The following RNPS1 variants were observed in gnomAD, a reference collection of about 807,000 sequenced individuals.
RNPS1 encodes RNA-binding protein with serine-rich domain 1.
For synonymous variants in RNPS1, 147 were observed against 150.0 expected (o/e 0.98, Z 0.15); for missense variants, 300 against 427.6 (o/e 0.70, Z 2.63).
intron 1 of RNPS1, chr16:2,267,017 A>AC (rs549819126): frequency 6.9e-4 from 149 of 216,376 alleles, no homozygotes; most frequent in African/African-American, 3.3e-3. Flanking sequence ...TTCCAGCCCC[A>AC]CCCCCCCAAG....
chr16:2,259,146 G>A (rs148538052), intron 6 of RNPS1, among the ~76,000 whole-genome samples: 416 of 149,510 alleles, frequency 2.8e-3, no homozygotes, highest in Admixed American at 6.4e-3. Context: ...AAAAAGGATT[G>A]GGTTTTAACA....
At chr16:2,263,922 C>G (rs1567327729) in intron 3 of RNPS1, 2 of 318,218 alleles carry the variant, frequency 6.3e-6, no homozygotes, top group South Asian at 7.0e-5. Flanking sequence ...TAGAGACGAG[C>G]TCTTGTTTTG....
chr16:2,262,492 G>A (rs2093607174), intron 5 of RNPS1, 61 bp from the exon 6 acceptor site: 2 of 1,579,894 alleles, frequency 1.3e-6, no homozygotes, highest in East Asian at 2.2e-5. Flanking sequence ...CAGACGCAGA[G>A]AGCTCAGCAC....
chr16:2,267,732 C>G (rs1237787090), intron 1 of RNPS1: 2 of 1,280,930 alleles, frequency 1.6e-6, no homozygotes, highest in Non-Finnish European at 2.0e-6. Context: ...GCTTGGGTCT[C>G]CGGCCCGGCG....
At chr16:2,261,914 G>A (rs1208088672) in intron 6 of RNPS1, among the ~76,000 whole-genome samples, 1 of 152,206 alleles carries the variant, frequency 6.6e-6, no homozygotes, top group Non-Finnish European at 1.5e-5. Context: ...TTAAAAGTCA[G>A]TAACTTATGT....
intron 1 of RNPS1, chr16:2,266,129 G>A: frequency 1.0e-6 from 1 of 985,448 alleles, no homozygotes; most frequent in Non-Finnish European, 1.2e-6. Flanking sequence ...GAGCCAGTTG[G>A]TAAGGAGGAC....
chr16:2,261,428 G>A (rs527337917), intron 6 of RNPS1, among the ~76,000 whole-genome samples: 19 of 152,256 alleles, frequency 1.2e-4, no homozygotes, highest in South Asian at 2.1e-4. Flanking sequence ...GCCCCATGAC[G>A]ACAACCCTCT....
intron 1 of RNPS1, 163 bp downstream of exon 1, chr16:2,267,892 C>T: frequency 3.3e-6 from 5 of 1,515,862 alleles, no homozygotes; most frequent in Non-Finnish European, 4.4e-6. Flanking sequence ...CCTCCCACTC[C>T]GCCCGCCCCG....
At chr16:2,255,883 T>C (rs1280859743) in intron 6 of RNPS1, 157 bp from the exon 7 acceptor site, 14 of 753,886 alleles carry the variant, frequency 1.9e-5, no homozygotes, top group Non-Finnish European at 3.1e-5. Context: ...ATCCCAGCAC[T>C]TTGGGAAGCT....
chr16:2,267,349 T>C, intron 1 of RNPS1: 29 of 985,004 alleles, frequency 2.9e-5, no homozygotes, highest in Non-Finnish European at 3.4e-5. Flanking sequence ...GCACAGTTCA[T>C]GCGGAATCAA....
At chr16:2,263,370 C>G (rs2093611460) in intron 3 of RNPS1, 83 bp from the exon 4 acceptor site, 1 of 1,376,602 alleles carries the variant, frequency 7.3e-7, no homozygotes, top group Non-Finnish European at 1.0e-6. Flanking sequence ...TGTGCTCCCC[C>G]CAGGAGAAAC....
intron 7 of RNPS1, among the ~76,000 whole-genome samples, chr16:2,254,617 C>T (rs758082588): frequency 2.0e-5 from 3 of 149,320 alleles, no homozygotes; most frequent in Admixed American, 6.7e-5. Flanking sequence ...ATTTTTTGTA[C>T]GGATGGGGTT....
Position 2,255,665 on chromosome 16 carries a change from G to C in RNPS1, c.738C>G (p.Pro246=). 6.2e-7 allele frequency: 1 copy of C among 1,613,386 alleles called. No individual in the cohort carries two copies. Among genetic ancestry groups the C allele is most frequent in the Non-Finnish European group, 8.5e-7 (1 of 1,179,664 alleles). Residue 246 remains proline (P), a synonymous_variant, in exon 7 of 8, where the codon CCC becomes CCG. Transcript: ENST00000320225. ...TAVLAPWPRP[P]PRRFSPPRRM... ...TCCTGGGAGGGCTGAATCTCCTGGG[G>C]GGTGGCCTAGGCCAGGGGGCCAGCA... is the stretch of plus-strand genomic sequence containing the variant.
chr16:2,266,854 T>C (rs1428749110), intron 1 of RNPS1: 1 of 404,732 alleles, frequency 2.5e-6, no homozygotes, highest in African/African-American at 2.2e-5. Context: ...AAACATCTAA[T>C]AAAAGTTTGC....
intron 7 of RNPS1, among the ~76,000 whole-genome samples, chr16:2,254,605 A>G (rs752244027): frequency 9.3e-5 from 13 of 139,534 alleles, no homozygotes; most frequent in Admixed American, 2.1e-4. Flanking sequence ...CCTAATTTTT[A>G]TATTTTTTGT....
intron 1 of RNPS1, chr16:2,267,211 C>G: frequency 1.0e-6 from 1 of 985,414 alleles, no homozygotes; most frequent in Middle Eastern, 5.2e-4. Context: ...TCGGTTACCT[C>G]CCCCATCCTC....
chr16:2,262,860 A>G lies in RNPS1; in HGVS notation c.420-18T>C. ...GTTTGGATCTGATTGAGAAAACAAA[A>G]CACCAGAAACAATTTCTGTCAAGTC... is the stretch of plus-strand genomic sequence containing the variant. On this transcript the variant is annotated intron_variant, in intron 4 of 7. Transcript: ENST00000320225. 1 of 1,599,494 alleles carries G rather than the reference A, an allele frequency of 6.3e-7. No homozygotes were observed. The highest frequency in any genetic ancestry group is 2.2e-5 in the East Asian group (1 of 44,800).
At chr16:2,259,967 G>A (rs2093595701) in intron 6 of RNPS1, among the ~76,000 whole-genome samples, 1 of 152,152 alleles carries the variant, frequency 6.6e-6, no homozygotes, top group Non-Finnish European at 1.5e-5. Flanking sequence ...ATAGAACACT[G>A]AAGTAATCTT....
chr16:2,263,502 G>A (rs1439255547), intron 3 of RNPS1, among the ~76,000 whole-genome samples: 1 of 152,192 alleles, frequency 6.6e-6, no homozygotes, highest in East Asian at 1.9e-4. Context: ...CAGAGGTGAT[G>A]GGCTGCCTTC....
Sources: gnomAD v4.1 joint callset for allele counts (sites outside exome capture counted in the v4.1 genomes callset) on GRCh38, gnomAD v4.1.1 for gene constraint, MANE v1.5 for transcripts, NCBI Gene and HGNC (gene_info 2026-07-23, HGNC 2026-07-21) for gene names.